The following PHF20 variants were observed in gnomAD, a reference collection of about 807,000 sequenced individuals.
PHF20 encodes glioma-expressed antigen 2.
In PHF20, 23 loss-of-function variants were observed where a neutral mutation model predicts 113.5. The ratio of observed to expected loss-of-function variants is 0.20; its 90% CI spans 0.15 to 0.29. The LOEUF (loss-of-function observed/expected upper bound fraction) is 0.29, where lower values mean the gene tolerates loss of function less well. Ranked by LOEUF, PHF20 falls within the 10% of genes least tolerant of loss-of-function variation. The pLI is 1.00. For missense variants in PHF20, 943 were observed against 1,219.6 expected, an observed-to-expected ratio of 0.77 and a Z score of 3.38; for synonymous variants, 434 against 457.3, an observed-to-expected ratio of 0.95 and a Z score of 0.65.
intron 2 of PHF20, among the ~76,000 whole-genome samples, chr20:35,815,806 T>A (rs1568603227): frequency 6.6e-6 from 1 of 151,942 alleles, no homozygotes; most frequent in Non-Finnish European, 1.5e-5. Flanking sequence ...GGTAAGAGGA[T>A]CACCTGAGCC....
intron 5 of PHF20, among the ~76,000 whole-genome samples, chr20:35,860,256 T>TTTC (rs1568664836): frequency 6.6e-6 from 1 of 150,548 alleles, no homozygotes; most frequent in African/African-American, 2.4e-5. Context: ...TTTTTTTTTT[T>TTTC]TTGAGATGGA....
At chr20:35,921,868 C>T (rs1375078939) in intron 13 of PHF20, among the ~76,000 whole-genome samples, 1 of 152,074 alleles carries the variant, frequency 6.6e-6, no homozygotes, top group Non-Finnish European at 1.5e-5. Flanking sequence ...TGCCCTTTAT[C>T]TGCCTGTTAA....
intron 10 of PHF20, among the ~76,000 whole-genome samples, chr20:35,904,797 C>CCTTCCTTCCTTCCTTCCTTCCTTT (rs1176519583): frequency 6.6e-6 from 1 of 150,436 alleles, no homozygotes; most frequent in African/African-American, 2.5e-5. Flanking sequence ...TTCCTTCCTT[C>CCTTCCTTCCTTCCTTCCTTCCTTT]CTTCCTTTCT....
chr20:35,823,055 AAATGTAT>A (rs2042197787), intron 2 of PHF20, among the ~76,000 whole-genome samples: 1 of 152,000 alleles, frequency 6.6e-6, no homozygotes, highest in Non-Finnish European at 1.5e-5. Flanking sequence ...GGATTTTGAC[AAATGTAT>A]AATGTATATG....
Position 35,801,562 on chromosome 20 carries a change from G to C in PHF20, c.40G>C (p.Glu14Gln), listed in dbSNP as rs1454947466. Residue 14 changes from glutamate (E) to glutamine (Q), a missense_variant, in exon 2 of 18, where the codon GAA becomes CAA. Transcript: ENST00000374012. Reference protein sequence around the residue: ...HPPNRRGISFEVGAQLEARDR... With the variant: ...HPPNRRGISFQVGAQLEARDR... ...ACCTAACAGACGAGGAATCAGCTTTGAAGTGGGAGCCCAGTTGGAAGCCCG... is the reference window on the plus strand; with the variant it reads ...ACCTAACAGACGAGGAATCAGCTTTCAAGTGGGAGCCCAGTTGGAAGCCCG... 6.2e-7 allele frequency: 1 copy of C among 1,613,840 alleles called. No individual in the cohort carries two copies. The highest frequency in any genetic ancestry group is 1.3e-5 in the African/African-American group (1 of 74,928).
intron 1 of PHF20, among the ~76,000 whole-genome samples, chr20:35,788,149 T>A (rs558037988): frequency 3.3e-5 from 5 of 151,912 alleles, no homozygotes; most frequent in African/African-American, 4.8e-5. Flanking sequence ...CAGGCTGGAG[T>A]GCAGTGGCGC....
At chr20:35,849,393 C>G (rs2042678937) in intron 4 of PHF20, 6 of 468,936 alleles carry the variant, frequency 1.3e-5, no homozygotes, top group South Asian at 7.8e-5. Flanking sequence ...TGAAGTAAAA[C>G]AAAAGAAGAC....
chr20:35,871,935 T>C, intron 9 of PHF20, 106 bp downstream of exon 9: 1 of 741,826 alleles, frequency 1.3e-6, no homozygotes, highest in South Asian at 2.3e-5. Context: ...TTTCACCTTT[T>C]ATTAATATTC....
At chr20:35,798,133 C>T (rs1026596756) in intron 1 of PHF20, among the ~76,000 whole-genome samples, 5 of 152,170 alleles carry the variant, frequency 3.3e-5, no homozygotes, top group Non-Finnish European at 7.4e-5. Flanking sequence ...GAATCAGTGG[C>T]TGGGTACCAT....
rs1219068404 is a variant in PHF20, at chr20:35,871,083, G to T, written c.1051G>T (p.Asp351Tyr). Residue 351 changes from aspartate to tyrosine, a missense_variant, in exon 8 of 18, where the codon GAT becomes TAT. Physicochemically the swap from Asp to Tyr is radical, Grantham distance 160 (BLOSUM62 -3). Coordinates refer to ENST00000374012, the MANE Select transcript of PHF20 (RefSeq NM_016436.5). ...DPDLVVSDLVDTDPLQDTLSS... is the reference protein window; with the variant it reads ...DPDLVVSDLVYTDPLQDTLSS... The stretch of plus-strand genomic sequence containing the variant: ...TGACTTGGTTGTATCAGATTTGGTT[G>T]ATACGGATCCTTTGCAAGACACGTT... The T allele has an allele frequency of 1.9e-6, 3 of 1,613,104 alleles. No individual in the cohort carries two copies. The highest frequency in any genetic ancestry group is 1.1e-5 in the South Asian group (1 of 90,796).
intron 1 of PHF20, among the ~76,000 whole-genome samples, chr20:35,776,631 G>A (rs1370443531): frequency 1.3e-5 from 2 of 152,066 alleles, no homozygotes; most frequent in Non-Finnish European, 1.5e-5. Context: ...CCTCTTCCAC[G>A]TGATCCTGTT....
intron 2 of PHF20, among the ~76,000 whole-genome samples, chr20:35,827,418 A>C (rs904040624): frequency 6.6e-6 from 1 of 152,274 alleles, no homozygotes; most frequent in Non-Finnish European, 1.5e-5. Flanking sequence ...AGACTATTAC[A>C]TGGCTAAGAC....
At position 35,890,011 on chromosome 20, in the gene PHF20, G is replaced by A. The variant is rs139236141; in HGVS notation, c.1283-9359G>A. ...CCCAAAGTGCTGGGATTACAGGCAT[G>A]AGCCACCATCCCTGGCCCTATTTAT... On this transcript the variant is annotated intron_variant, in intron 9 of 17. Transcript: ENST00000374012. 2.6e-3 allele frequency among the ~76,000 whole-genome samples: 393 copies of A among 151,948 alleles called. 1 individual carries two copies. Among genetic ancestry groups the A allele is most frequent in the Non-Finnish European group, 4.1e-3 (280 of 67,960 alleles).
chr20:35,791,042 A>G (rs551317886), intron 1 of PHF20, among the ~76,000 whole-genome samples: 2 of 152,184 alleles, frequency 1.3e-5, no homozygotes, highest in East Asian at 3.9e-4. Flanking sequence ...TATTTTTAGT[A>G]GAGGCGAGGT....
chr20:35,806,781 G>T (rs2041888539), intron 2 of PHF20, among the ~76,000 whole-genome samples: 1 of 145,560 alleles, frequency 6.9e-6, no homozygotes, highest in Non-Finnish European at 1.5e-5. Context: ...TGTATTCTTA[G>T]ACCTTTACTC....
chr20:35,895,291 T>A (rs1296462361), intron 9 of PHF20, among the ~76,000 whole-genome samples: 2 of 152,184 alleles, frequency 1.3e-5, no homozygotes, highest in African/African-American at 4.8e-5. Context: ...CTCAAAGTGC[T>A]GGGATTACAG....
intron 1 of PHF20, among the ~76,000 whole-genome samples, chr20:35,785,877 A>G (rs2041398784): frequency 6.6e-6 from 1 of 151,034 alleles, no homozygotes; most frequent in South Asian, 2.1e-4. Context: ...CTAAAAATAC[A>G]AAAAATTAGC....
chr20:35,843,591 T>G (rs2042570547), intron 3 of PHF20, among the ~76,000 whole-genome samples: 1 of 151,738 alleles, frequency 6.6e-6, no homozygotes, highest in South Asian at 2.1e-4. Flanking sequence ...ATGCAAGGTC[T>G]TCTTCTTTTG....
chr20:35,785,216 A>G (rs2041384365), intron 1 of PHF20, among the ~76,000 whole-genome samples: 1 of 152,184 alleles, frequency 6.6e-6, no homozygotes, highest in Non-Finnish European at 1.5e-5. Context: ...ATGTTTGTCA[A>G]GGATTTAGCA....
Sources: allele counts gnomAD v4.1 joint callset (sites outside exome capture counted in the v4.1 genomes callset), GRCh38; gene constraint gnomAD v4.1.1; transcripts MANE v1.5; gene names NCBI Gene and HGNC (gene_info 2026-07-23, HGNC 2026-07-21).